Variants in EXOC4 observed in about 807,000 individuals in gnomAD.
EXOC4 encodes the protein exocyst complex component 4, also known as SEC8-like 1.
In EXOC4, 71 loss-of-function variants were observed where a neutral mutation model predicts 107.2. That is an observed-to-expected ratio of 0.66 (90% CI 0.55 to 0.81). The LOEUF (loss-of-function observed/expected upper bound fraction) is 0.81, where lower values mean the gene tolerates loss of function less well. Ranked by LOEUF, EXOC4 falls within the 30% of genes least tolerant of loss-of-function variation. The pLI is 0.00. For synonymous variants in EXOC4, 456 were observed against 441.2 expected (o/e 1.03, Z -0.42); for missense variants, 1,108 against 1,189.6 (o/e 0.93, Z 1.01).
rs561809253 is a variant in EXOC4 at position 133,734,826 on chromosome 7, A to G, written c.1515-82499A>G. 2.6e-5 allele frequency among the ~76,000 whole-genome samples: 4 copies of G among 152,150 alleles called. No homozygotes were observed. In the South Asian group the frequency reaches 8.3e-4, roughly 32 times the overall value. Reference sequence around the variant, plus strand: ...ACACTTCTGATCCCAAGCGTTTTGGATAAGAGATACTCAACCTGTATCGGT... The same window carrying G: ...ACACTTCTGATCCCAAGCGTTTTGGGTAAGAGATACTCAACCTGTATCGGT... On this transcript the variant is annotated intron_variant, in intron 10 of 17. Coordinates refer to ENST00000253861, the MANE Select transcript of EXOC4 (RefSeq NM_021807.4).
intron 10 of EXOC4, among the ~76,000 whole-genome samples, chr7:133,800,200 A>G (rs1415184396): frequency 6.6e-6 from 1 of 152,194 alleles, no homozygotes; most frequent in Non-Finnish European, 1.5e-5. Flanking sequence ...AAAATTCTGA[A>G]AACAAATTTG....
intron 5 of EXOC4, among the ~76,000 whole-genome samples, chr7:133,346,332 G>C (rs941683213): frequency 6.6e-6 from 1 of 152,114 alleles, no homozygotes; most frequent in Non-Finnish European, 1.5e-5. Flanking sequence ...GCTTCTGTCT[G>C]CTTCTCCATC....
intron 9 of EXOC4, chr7:133,601,788 C>G (rs2150987572): frequency 6.6e-6 from 1 of 152,360 alleles, no homozygotes; most frequent in East Asian, 1.9e-4. Context: ...TGGCCTTTGC[C>G]ATTTCACCAG....
chr7:133,977,764 G>GTGTT (rs1185320285), intron 14 of EXOC4, among the ~76,000 whole-genome samples: 4 of 151,450 alleles, frequency 2.6e-5, no homozygotes, highest in Admixed American at 6.6e-5. Context: ...GTGTGTGTGT[G>GTGTT]TGTTTGTTTG....
At chr7:133,884,708 A>G (rs1359589983) in intron 11 of EXOC4, among the ~76,000 whole-genome samples, 2 of 151,984 alleles carry the variant, frequency 1.3e-5, no homozygotes, top group Admixed American at 6.6e-5. Context: ...TCTTAGCAGC[A>G]TCTCTGAACT....
At chr7:133,772,724 A>G (rs1796270094) in intron 10 of EXOC4, among the ~76,000 whole-genome samples, 1 of 152,068 alleles carries the variant, frequency 6.6e-6, no homozygotes, top group African/African-American at 2.4e-5. Flanking sequence ...CTCTAGTCCA[A>G]TCATTTTGGT....
At chr7:133,657,482 G>T (rs1410423824) in intron 10 of EXOC4, among the ~76,000 whole-genome samples, 1 of 152,078 alleles carries the variant, frequency 6.6e-6, no homozygotes, top group Non-Finnish European at 1.5e-5. Flanking sequence ...GTAATTCTAA[G>T]CAGAAATGAT....
At chr7:133,531,479 A>G (rs1467092918) in intron 9 of EXOC4, among the ~76,000 whole-genome samples, 1 of 152,184 alleles carries the variant, frequency 6.6e-6, no homozygotes, top group East Asian at 1.9e-4. Flanking sequence ...TTTGACAAGT[A>G]GGTGAAAACT....
intron 10 of EXOC4, among the ~76,000 whole-genome samples, chr7:133,773,616 G>A (rs1796289346): frequency 6.6e-6 from 1 of 151,862 alleles, no homozygotes. Flanking sequence ...AAATATCTGG[G>A]TACTTTTTGT....
At chr7:133,679,800 A>T (rs1276444035) in intron 10 of EXOC4, among the ~76,000 whole-genome samples, 1 of 152,234 alleles carries the variant, frequency 6.6e-6, no homozygotes, top group Admixed American at 6.5e-5. Flanking sequence ...GTTAAAGCTA[A>T]AAGATTGCTC....
chr7:133,380,343 C>T (rs932089708), intron 7 of EXOC4, among the ~76,000 whole-genome samples: 3 of 151,908 alleles, frequency 2.0e-5, no homozygotes, highest in African/African-American at 7.2e-5. Context: ...GTTGTTTAAA[C>T]AGCTTTATTG....
At chr7:133,995,931 T>C (rs1794381250) in intron 14 of EXOC4, among the ~76,000 whole-genome samples, 1 of 152,174 alleles carries the variant, frequency 6.6e-6, no homozygotes, top group Non-Finnish European at 1.5e-5. Flanking sequence ...ACCTTCTGAG[T>C]TAGTGATGCC....
intron 12 of EXOC4, among the ~76,000 whole-genome samples, chr7:133,899,677 C>T (rs559383905): frequency 1.3e-5 from 2 of 152,066 alleles, no homozygotes; most frequent in East Asian, 1.9e-4. Context: ...TCTCCATTAC[C>T]CATTAGCTTG....
chr7:133,401,094 C>G lies in EXOC4; in HGVS notation c.1182+26092C>G, dbSNP rs560471552. 5.5e-4 allele frequency among the ~76,000 whole-genome samples: 84 copies of G among 151,940 alleles called. 1 individual carries two copies. Among genetic ancestry groups the G allele is most frequent in the African/African-American group, 1.9e-3 (80 of 41,418 alleles). On this transcript the variant is annotated intron_variant, in intron 7 of 17. Transcript: ENST00000253861. The stretch of plus-strand genomic sequence containing the variant: ...GAGTTGCCAGGATTTTTAATTTCCA[C>G]TCTGGGGTGTGCCTAAGAATCTTAG...
rs919322795 is a variant in EXOC4, at chr7:133,884,686, A to G, written c.1735-10913A>G. Among the ~76,000 whole-genome samples the G allele has an allele frequency of 2.6e-5, 4 of 152,124 alleles. 1 individual carries two copies. The South Asian group carries it at 6.2e-4, about 24-fold the overall frequency. On this transcript the variant is annotated intron_variant, in intron 11 of 17. Coordinates refer to ENST00000253861, the MANE Select transcript of EXOC4 (RefSeq NM_021807.4). ...CATAGACATATTTCTCTGACCATAT[A>G]GAACCTTAGATTCTTAGCAGCATCT...
chr7:133,978,721 C>T (rs1793900989), intron 14 of EXOC4, among the ~76,000 whole-genome samples: 1 of 152,224 alleles, frequency 6.6e-6, no homozygotes, highest in African/African-American at 2.4e-5. Context: ...CAGCTGTCTG[C>T]AGGAGCTCTT....
the EXOC4 span, among the ~76,000 whole-genome samples, chr7:134,089,106 C>T: frequency 2.6e-5 from 4 of 152,072 alleles, no homozygotes; most frequent in East Asian, 7.7e-4. Context: ...ACCTGTTGTC[C>T]TTTTATTCCA....
intron 2 of EXOC4, among the ~76,000 whole-genome samples, chr7:133,286,234 C>G (rs560705845): frequency 6.6e-6 from 1 of 152,260 alleles, no homozygotes; most frequent in African/African-American, 2.4e-5. Context: ...GAGATTTCCT[C>G]AAGGATACCT....
At chr7:134,089,322 C>T in the EXOC4 span, among the ~76,000 whole-genome samples, 1 of 152,100 alleles carries the variant, frequency 6.6e-6, no homozygotes, top group African/African-American at 2.4e-5. Flanking sequence ...AATCTTTTAC[C>T]AAAAACACAT....
Sources: allele counts gnomAD v4.1 joint callset (sites outside exome capture counted in the v4.1 genomes callset), GRCh38; gene constraint gnomAD v4.1.1; transcripts MANE v1.5; gene names NCBI Gene and HGNC (gene_info 2026-07-23, HGNC 2026-07-21).